CDH13: variants seen among roughly 807,000 people sequenced by gnomAD.
The protein encoded by CDH13 is cadherin-13.
In CDH13, 24 loss-of-function variants were observed where a neutral mutation model predicts 63.8. That is an observed-to-expected ratio of 0.38 (90% CI 0.27 to 0.53). CDH13 has a LOEUF of 0.53. Among genes scored for constraint, CDH13 ranks in the 20% least tolerant of loss-of-function variants. The pLI, the probability that CDH13 is intolerant of heterozygous loss-of-function variation, is 0.85. For synonymous variants in CDH13, 503 were observed against 355.3 expected, an observed-to-expected ratio of 1.42 and a Z score of -4.67; for missense variants, 1,049 against 903.1, an observed-to-expected ratio of 1.16 and a Z score of -2.07.
intron 2 of CDH13, among the ~76,000 whole-genome samples, chr16:82,945,303 A>C (rs1904581487): frequency 6.6e-6 from 1 of 152,192 alleles, no homozygotes; most frequent in Non-Finnish European, 1.5e-5. Flanking sequence ...GTGTTCTAAT[A>C]AAACTTAATA....
intron 1 of CDH13, among the ~76,000 whole-genome samples, chr16:82,637,322 C>G (rs1908773533): frequency 6.6e-6 from 1 of 151,930 alleles, no homozygotes; most frequent in Non-Finnish European, 1.5e-5. Context: ...TCTGCTTTCC[C>G]TTCTTTTCTT....
At chr16:83,597,871 C>T (rs985166706) in intron 7 of CDH13, among the ~76,000 whole-genome samples, 3 of 152,148 alleles carry the variant, frequency 2.0e-5, no homozygotes, top group African/African-American at 7.2e-5. Context: ...CCTTGTGCTA[C>T]CGTAAGAATT....
At chr16:83,450,926 CT>C (rs372019436) in intron 6 of CDH13, among the ~76,000 whole-genome samples, 52 of 152,226 alleles carry the variant, frequency 3.4e-4, no homozygotes, top group African/African-American at 1.2e-3. Context: ...AGTTCTCAGC[CT>C]TGTGTGTGCG....
chr16:82,873,575 C>T (rs189301644), intron 2 of CDH13, among the ~76,000 whole-genome samples: 11 of 152,274 alleles, frequency 7.2e-5, no homozygotes, highest in Admixed American at 2.0e-4. Flanking sequence ...TTTTAAGCTA[C>T]CCAAACTTCC....
At chr16:83,109,006 T>C (rs761761178) in intron 3 of CDH13, among the ~76,000 whole-genome samples, 3 of 152,020 alleles carry the variant, frequency 2.0e-5, no homozygotes, top group Non-Finnish European at 4.4e-5. Flanking sequence ...TTTCCTGGGA[T>C]GACCCACCAA....
intron 1 of CDH13, among the ~76,000 whole-genome samples, chr16:82,740,254 G>T (rs16958435): frequency 6.6e-6 from 1 of 152,144 alleles, no homozygotes; most frequent in Non-Finnish European, 1.5e-5. Context: ...TTATGTAAGA[G>T]ACTTGAGTAC....
intron 2 of CDH13, among the ~76,000 whole-genome samples, chr16:82,904,819 G>A (rs1371428827): frequency 6.6e-6 from 1 of 152,156 alleles, no homozygotes; most frequent in Non-Finnish European, 1.5e-5. Flanking sequence ...CTCCATGTGG[G>A]CCACCGTTTC....
At chr16:83,277,887 G>A (rs968798296) in intron 5 of CDH13, among the ~76,000 whole-genome samples, 1 of 152,088 alleles carries the variant, frequency 6.6e-6, no homozygotes, top group African/African-American at 2.4e-5. Flanking sequence ...AATTTGAGAA[G>A]TTTGTTTGCT....
At chr16:83,458,837 C>T (rs550096907) in intron 6 of CDH13, among the ~76,000 whole-genome samples, 1 of 152,180 alleles carries the variant, frequency 6.6e-6, no homozygotes, top group East Asian at 1.9e-4. Context: ...TGACTCAACC[C>T]AAGTCTGATG....
intron 2 of CDH13, among the ~76,000 whole-genome samples, chr16:82,926,284 C>CAAAA (rs528860186): frequency 1.2e-4 from 14 of 118,418 alleles, no homozygotes; most frequent in African/African-American, 4.0e-4. Flanking sequence ...ACGTTATTTC[C>CAAAA]AAAAAAAAAA....
At position 83,670,866 on chromosome 16, in the gene CDH13, C is replaced by T; in HGVS notation, c.1178C>T (p.Thr393Ile). Residue 393 changes from threonine to isoleucine, a missense_variant, in exon 9 of 14, where the codon ACA (threonine) becomes ATA (isoleucine). Physicochemically the swap from Thr to Ile is moderately conservative, Grantham distance 89. Transcript: ENST00000567109. ...GTTGAAGATAAGGATGACCCCACCA[C>T]AGGTGCATGGAGGGCTGCCTACACC... ...LTVEDKDDPT[T>I]GAWRAAYTII... is the part of the protein sequence containing the mutation. 6.2e-7 allele frequency: 1 copy of T among 1,613,786 alleles called. No homozygotes were observed. The highest frequency in any genetic ancestry group is 8.5e-7 in the Non-Finnish European group (1 of 1,179,686).
chr16:83,187,054 T>G (rs931390269), intron 4 of CDH13, among the ~76,000 whole-genome samples: 2 of 152,198 alleles, frequency 1.3e-5, no homozygotes, highest in African/African-American at 4.8e-5. Flanking sequence ...CACTGCAACC[T>G]GCACCTCCCG....
chr16:82,695,424 C>T lies in CDH13; in HGVS notation c.45+68287C>T, dbSNP rs191885977. Among the ~76,000 whole-genome samples, 394 of 152,298 alleles carry T rather than the reference C, an allele frequency of 2.6e-3. 3 individuals carry two copies. Among genetic ancestry groups the T allele is most frequent in the African/African-American group, 9.2e-3 (384 of 41,558 alleles). ...AACTCTACTTCCCACCAATTTTTCTCCCTTCGATCTGTTCCTATATCTCTA... is the reference window on the plus strand; with the variant it reads ...AACTCTACTTCCCACCAATTTTTCTTCCTTCGATCTGTTCCTATATCTCTA... On this transcript the variant is annotated intron_variant, in intron 1 of 13. Transcript: ENST00000567109.
intron 1 of CDH13, among the ~76,000 whole-genome samples, chr16:82,643,594 G>C (rs754501706): frequency 6.6e-6 from 1 of 152,204 alleles, no homozygotes; most frequent in Non-Finnish European, 1.5e-5. Flanking sequence ...TGGAAATAAA[G>C]CAAGGGTTCT....
chr16:82,706,965 A>G (rs1204391270), intron 1 of CDH13, among the ~76,000 whole-genome samples: 1 of 152,214 alleles, frequency 6.6e-6, no homozygotes, highest in Middle Eastern at 3.2e-3. Context: ...TTCTGCCTTC[A>G]GTTCTACATT....
chr16:83,699,655 A>G (rs1479551247), intron 10 of CDH13, among the ~76,000 whole-genome samples: 1 of 151,692 alleles, frequency 6.6e-6, no homozygotes, highest in Non-Finnish European at 1.5e-5. Flanking sequence ...GCACACGCAC[A>G]TACACACACA....
intron 8 of CDH13, among the ~76,000 whole-genome samples, chr16:83,615,468 C>A (rs975821994): frequency 6.6e-6 from 1 of 152,120 alleles, no homozygotes; most frequent in African/African-American, 2.4e-5. Flanking sequence ...TAGACTCCCT[C>A]TTCCTATGAG....
chr16:83,194,219 G>A (rs1260542405), intron 4 of CDH13, among the ~76,000 whole-genome samples: 5 of 152,162 alleles, frequency 3.3e-5, no homozygotes, highest in South Asian at 2.1e-4. Flanking sequence ...GTACACATAG[G>A]GACATGCACC....
intron 2 of CDH13, among the ~76,000 whole-genome samples, chr16:82,860,966 CA>C (rs1263417756): frequency 6.6e-6 from 1 of 152,076 alleles, no homozygotes. Context: ...TCTTATAATG[CA>C]AAACAAAAAC....
Sources: allele counts gnomAD v4.1 joint callset (sites outside exome capture counted in the v4.1 genomes callset), GRCh38; gene constraint gnomAD v4.1.1; transcripts MANE v1.5; gene names NCBI Gene and HGNC (gene_info 2026-07-23, HGNC 2026-07-21).